VMP1: variants seen among roughly 807,000 people sequenced by gnomAD.
The protein encoded by VMP1 is vacuole membrane protein 1, also known as ectopic P-granules autophagy protein 3 homolog.
Under a neutral mutation model 56.0 loss-of-function variants are expected in VMP1, and 11 were observed. That is an observed-to-expected ratio of 0.20 (90% confidence interval 0.12 to 0.32). The LOEUF is 0.32. Ranked by LOEUF, VMP1 falls within the 10% of genes least tolerant of loss-of-function variation. VMP1 has a pLI of 1.00. For missense variants in VMP1, 296 were observed against 490.3 expected (o/e 0.60, Z 3.74); for synonymous variants, 149 against 165.0 (o/e 0.90, Z 0.74).
intron 1 of VMP1, among the ~76,000 whole-genome samples, chr17:59,725,856 A>G (rs2034581776): frequency 6.6e-6 from 1 of 152,196 alleles, no homozygotes; most frequent in Non-Finnish European, 1.5e-5. Flanking sequence ...AGAGCACATT[A>G]TTTGCTCAAA....
intron 1 of VMP1, among the ~76,000 whole-genome samples, chr17:59,717,912 A>G (rs148626626): frequency 2.2e-3 from 342 of 152,154 alleles, no homozygotes; most frequent in Non-Finnish European, 4.2e-3. Flanking sequence ...AGAGCAGAGC[A>G]AGACTTTGTT....
chr17:59,746,554 T>G (rs1208164277), intron 5 of VMP1, among the ~76,000 whole-genome samples: 60 of 152,214 alleles, frequency 3.9e-4, no homozygotes, highest in Non-Finnish European at 2.9e-5. Context: ...ATGTTACAAA[T>G]AAAAGTTACT....
chr17:59,710,593 CA>C (rs974548112), intron 1 of VMP1, among the ~76,000 whole-genome samples: 1 of 152,098 alleles, frequency 6.6e-6, no homozygotes. Flanking sequence ...TGTAGCATAA[CA>C]AAAACTGTGC....
chr17:59,708,560 G>C (rs1383204173), intron 1 of VMP1, among the ~76,000 whole-genome samples: 1 of 152,118 alleles, frequency 6.6e-6, no homozygotes, highest in Admixed American at 6.5e-5. Flanking sequence ...GATGTGTTTT[G>C]GCAGCATCGC....
intron 5 of VMP1, among the ~76,000 whole-genome samples, chr17:59,747,771 T>C (rs1380227534): frequency 6.6e-6 from 1 of 151,842 alleles, no homozygotes; most frequent in Non-Finnish European, 1.5e-5. Flanking sequence ...GGTGAACACC[T>C]ATCGTCCTAG....
At chr17:59,721,814 A>G (rs575655015) in intron 1 of VMP1, among the ~76,000 whole-genome samples, 1 of 152,370 alleles carries the variant, frequency 6.6e-6, no homozygotes, top group South Asian at 2.1e-4. Context: ...CAGGGTTGTC[A>G]TAACAGAATA....
At chr17:59,816,995 G>A (rs1268664554) in intron 9 of VMP1, among the ~76,000 whole-genome samples, 7 of 144,206 alleles carry the variant, frequency 4.9e-5, no homozygotes, top group Non-Finnish European at 6.1e-5. Context: ...AGGGCCGGGC[G>A]CAATGGCTCA....
At chr17:59,809,333 G>A (rs1267086627) in intron 8 of VMP1, among the ~76,000 whole-genome samples, 2 of 13,392 alleles carry the variant, frequency 1.5e-4, no homozygotes, top group Non-Finnish European at 3.9e-4. Context: ...TTTTTTTTTT[G>A]AGACAAGAGT....
chr17:59,769,185 C>T (rs2036341940), intron 6 of VMP1, among the ~76,000 whole-genome samples: 1 of 145,478 alleles, frequency 6.9e-6, no homozygotes, highest in South Asian at 2.2e-4. Flanking sequence ...GACAGAGTTT[C>T]GCTCTTGTTG....
intron 5 of VMP1, among the ~76,000 whole-genome samples, chr17:59,760,135 GA>G (rs1226799485): frequency 2.4e-3 from 334 of 140,526 alleles, no homozygotes; most frequent in African/African-American, 8.3e-3. Flanking sequence ...AAAAAAAAAA[GA>G]AAAAAAAAAT....
intron 5 of VMP1, among the ~76,000 whole-genome samples, chr17:59,764,731 A>G (rs1016461522): frequency 2.6e-5 from 4 of 151,904 alleles, no homozygotes; most frequent in Non-Finnish European, 5.9e-5. Context: ...CAAATAAGTG[A>G]CTCATTATGT....
chr17:59,719,987 G>A (rs2034330912), intron 1 of VMP1, among the ~76,000 whole-genome samples: 1 of 152,140 alleles, frequency 6.6e-6, no homozygotes, highest in Non-Finnish European at 1.5e-5. Flanking sequence ...CTTCTGCCCG[G>A]TTTGTGTTCT....
At chr17:59,710,070 G>C (rs111723017) in intron 1 of VMP1, among the ~76,000 whole-genome samples, 26,924 of 151,918 alleles carry the variant, frequency 0.18, 3,214 homozygotes, top group East Asian at 0.44. Flanking sequence ...GGTGGCAGGC[G>C]CCTGTAATCC....
At position 59,804,523 on chromosome 17, in the gene VMP1, G is replaced by A. The variant is rs550143083; in HGVS notation, c.715-4273G>A. ...CCAGCTACTCAGGAGGCTGAGGCAGGAGAATCACTTGAACCCGGGAGGCAG... is the reference window on the plus strand; with the variant it reads ...CCAGCTACTCAGGAGGCTGAGGCAGAAGAATCACTTGAACCCGGGAGGCAG... On this transcript the variant is annotated intron_variant, in intron 7 of 11. Coordinates refer to ENST00000262291, the MANE Select transcript of VMP1 (RefSeq NM_030938.5). Among the ~76,000 whole-genome samples the A allele has an allele frequency of 6.0e-5, 9 of 148,950 alleles. No individual in the cohort carries two copies. The South Asian group carries it at 1.7e-3, about 28-fold the overall frequency.
intron 11 of VMP1, 104 bp from the exon 12 acceptor site, chr17:59,839,664 T>A: frequency 7.2e-7 from 1 of 1,398,428 alleles, no homozygotes; most frequent in East Asian, 2.5e-5. Context: ...TTTAATTCTT[T>A]AGGTTTTGTA....
chr17:59,815,855 C>CAAAAAAAAA (rs71145576), intron 9 of VMP1, among the ~76,000 whole-genome samples: 1 of 106,374 alleles, frequency 9.4e-6, no homozygotes. Flanking sequence ...GACTCCGTCT[C>CAAAAAAAAA]AAAAAAAAAA....
intron 6 of VMP1, among the ~76,000 whole-genome samples, chr17:59,770,262 T>C (rs1056300735): frequency 1.3e-5 from 2 of 152,328 alleles, no homozygotes; most frequent in East Asian, 1.9e-4. Context: ...GAGAAGTTCA[T>C]GTTTTGAGTA....
At chr17:59,719,833 GA>G (rs2034324308) in intron 1 of VMP1, among the ~76,000 whole-genome samples, 2 of 151,914 alleles carry the variant, frequency 1.3e-5, no homozygotes, top group South Asian at 4.2e-4. Context: ...ACTTCTGCAG[GA>G]AACAAATAAA....
At chr17:59,771,090 A>T (rs781061404) in intron 6 of VMP1, among the ~76,000 whole-genome samples, 3 of 151,578 alleles carry the variant, frequency 2.0e-5, no homozygotes, top group Non-Finnish European at 4.4e-5. Context: ...TATTAGCACC[A>T]TGGATGATTT....
Sources: gnomAD v4.1 joint callset for allele counts (sites outside exome capture counted in the v4.1 genomes callset) on GRCh38, gnomAD v4.1.1 for gene constraint, MANE v1.5 for transcripts, NCBI Gene and HGNC (gene_info 2026-07-23, HGNC 2026-07-21) for gene names.